Variants in DDX4 observed in about 807,000 individuals in gnomAD.
The protein encoded by DDX4 is DEAD-box helicase 4, also known as probable ATP-dependent RNA helicase DDX4.
Under a neutral mutation model 100.0 loss-of-function variants are expected in DDX4, and 25 were observed. The ratio of observed to expected loss-of-function variants is 0.25; its 90% CI spans 0.18 to 0.35. The LOEUF (loss-of-function observed/expected upper bound fraction) is 0.35, where lower values mean the gene tolerates loss of function less well. DDX4 is among the 10% of genes least tolerant of loss of function. The pLI is 1.00. For synonymous variants in DDX4, 259 were observed against 275.7 expected, an observed-to-expected ratio of 0.94 and a Z score of 0.60; for missense variants, 635 against 882.4, an observed-to-expected ratio of 0.72 and a Z score of 3.55.
At chr5:55,741,080 T>G (rs1758954000) in intron 2 of DDX4, among the ~76,000 whole-genome samples, 1 of 152,232 alleles carries the variant, frequency 6.6e-6, no homozygotes, top group Admixed American at 6.5e-5. Context: ...AGATACTTTA[T>G]TCCCCCTGGT....
intron 15 of DDX4, among the ~76,000 whole-genome samples, chr5:55,789,565 T>C (rs1742432497): frequency 6.6e-6 from 1 of 152,216 alleles, no homozygotes; most frequent in African/African-American, 2.4e-5. Context: ...AAGTCACACA[T>C]TGTCCTTCTG....
At chr5:55,773,889 G>A (rs1419648293) in intron 7 of DDX4, among the ~76,000 whole-genome samples, 1 of 152,086 alleles carries the variant, frequency 6.6e-6, no homozygotes, top group African/African-American at 2.4e-5. Context: ...CTCCCAAAGT[G>A]CTGGGATTAC....
intron 16 of DDX4, 140 bp from the exon 17 acceptor site, chr5:55,792,501 A>G (rs189230155): frequency 1.4e-3 from 527 of 365,964 alleles, no homozygotes; most frequent in African/African-American, 0.011. Flanking sequence ...CTGGGACTAC[A>G]GGCGTCCGCC....
At chr5:55,761,711 G>A (rs1478751204) in intron 4 of DDX4, among the ~76,000 whole-genome samples, 1 of 151,854 alleles carries the variant, frequency 6.6e-6, no homozygotes, top group East Asian at 1.9e-4. Flanking sequence ...AGGTTCAAGT[G>A]ATTCTCCTGC....
chr5:55,811,156 A>G (rs925113071), intron 18 of DDX4, among the ~76,000 whole-genome samples: 1 of 152,160 alleles, frequency 6.6e-6, no homozygotes. Context: ...AAGCGAAAGC[A>G]TTAAACAGTA....
In DDX4 at chr5:55,764,149, G is replaced by A. The variant is rs950556037; in HGVS notation, c.334+85G>A. The A allele has an allele frequency of 2.1e-5, 21 of 1,021,442 alleles. No homozygotes were observed. The Admixed American group carries it at 2.2e-4, about 11-fold the overall frequency. The allele number at this position is 1,021,442 out of a possible 1,614,324, so 63.3% of individuals were successfully genotyped here. On this transcript the variant is annotated intron_variant, in intron 6 of 21. Coordinates refer to ENST00000505374, the MANE Select transcript of DDX4 (RefSeq NM_024415.3). ...AAATTAAGATTAAGTCTCTTAGTCC[G>A]GGCCAATTCTAACTTATTTAAACCA...
chr5:55,756,108 A>G (rs988453278), intron 3 of DDX4, among the ~76,000 whole-genome samples: 1 of 152,072 alleles, frequency 6.6e-6, no homozygotes, highest in Non-Finnish European at 1.5e-5. Flanking sequence ...TAAAATATTG[A>G]TGGTCATTTT....
chr5:55,761,848 G>A (rs1740574197), intron 4 of DDX4, among the ~76,000 whole-genome samples: 1 of 152,126 alleles, frequency 6.6e-6, no homozygotes, highest in South Asian at 2.1e-4. Flanking sequence ...GACCTCAGGT[G>A]ATCCACCTGC....
At chr5:55,749,696 CTGA>C (rs899518560) in intron 3 of DDX4, among the ~76,000 whole-genome samples, 4 of 152,006 alleles carry the variant, frequency 2.6e-5, no homozygotes, top group Admixed American at 2.6e-4. Flanking sequence ...GTTGCTTTTG[CTGA>C]TTTCTTTATT....
At chr5:55,796,815 C>CTT (rs1034415317) in intron 17 of DDX4, among the ~76,000 whole-genome samples, 1 of 71,210 alleles carries the variant, frequency 1.4e-5, no homozygotes, top group Non-Finnish European at 3.2e-5. Context: ...TTCTTTTTTT[C>CTT]TTTCTTTCTT....
intron 17 of DDX4, 98 bp from the exon 18 acceptor site, chr5:55,798,328 C>CTGATTAATAT: frequency 8.0e-7 from 1 of 1,247,158 alleles, no homozygotes; most frequent in Non-Finnish European, 1.1e-6. Flanking sequence ...AATCTGCTGT[C>CTGATTAATAT]TGATTAATAT....
At chr5:55,764,410 T>G (rs1038031880) in intron 6 of DDX4, among the ~76,000 whole-genome samples, 2 of 152,166 alleles carry the variant, frequency 1.3e-5, no homozygotes, top group Admixed American at 6.5e-5. Context: ...ACATTTAGAT[T>G]CAAATAAATC....
chr5:55,806,955 C>CT (rs1743770256), intron 18 of DDX4, among the ~76,000 whole-genome samples: 1 of 152,262 alleles, frequency 6.6e-6, no homozygotes, highest in South Asian at 2.1e-4. Context: ...GTGTGAGAGT[C>CT]TAAGTCTCTT....
At chr5:55,763,646 T>C (rs1740710006) in intron 5 of DDX4, among the ~76,000 whole-genome samples, 1 of 152,152 alleles carries the variant, frequency 6.6e-6, no homozygotes. Context: ...TTAGTTGTAT[T>C]GTCCTTAGCA....
intron 3 of DDX4, chr5:55,750,543 T>A (rs562709045): frequency 6.5e-6 from 1 of 154,254 alleles, no homozygotes; most frequent in Non-Finnish European, 1.5e-5. Flanking sequence ...ATCATATCCT[T>A]CAATCATTCA....
At chr5:55,780,679 T>C (rs1741856853) in intron 8 of DDX4, among the ~76,000 whole-genome samples, 1 of 152,194 alleles carries the variant, frequency 6.6e-6, no homozygotes, top group African/African-American at 2.4e-5. Context: ...GGGGTGCTAT[T>C]TTGAAGAATA....
At position 55,792,655 on chromosome 5, in the gene DDX4, G is replaced by A; in HGVS notation, c.1317G>A (p.Gln439=). 1.3e-6 allele frequency: 2 copies of A among 1,582,258 alleles called. No homozygotes were observed. Among genetic ancestry groups the A allele is most frequent in the Non-Finnish European group, 1.7e-6 (2 of 1,161,194 alleles). ...TATCCTTAAAGATTGGTCTCAAACAGATCAAATACTTAGTTTTGGATGAAG... is the reference window on the plus strand; with the variant it reads ...TATCCTTAAAGATTGGTCTCAAACAAATCAAATACTTAGTTTTGGATGAAG... The part of the protein sequence containing the change: ...IIGKEKIGLK[Q]IKYLVLDEAD... Residue 439 remains glutamine (Q), a synonymous_variant, in exon 17 of 22, where the codon CAG becomes CAA. Coordinates refer to ENST00000505374, the MANE Select transcript of DDX4 (RefSeq NM_024415.3).
chr5:55,815,333 A>G lies in DDX4; in HGVS notation c.2007A>G (p.Ala669=). Residue 669 remains alanine (A), a synonymous_variant, in exon 21 of 22, where the codon GCA becomes GCG. Transcript: ENST00000505374. ...VLTDAQQDVP[A]WLEEIAFSTY... is the part of the protein sequence containing the mutation. ...TAAAGGCTCAACAGGATGTTCCTGC[A>G]TGGTTGGAAGAAATTGCCTTTAGTA... 2.5e-6 allele frequency: 4 copies of G among 1,612,622 alleles called. No individual in the cohort carries two copies. The highest frequency in any genetic ancestry group is 3.4e-6 in the Non-Finnish European group (4 of 1,179,714).
intron 6 of DDX4, among the ~76,000 whole-genome samples, chr5:55,765,412 AAATATATAT>A (rs1740845613): frequency 8.5e-6 from 1 of 117,092 alleles, no homozygotes; most frequent in Non-Finnish European, 1.8e-5. Context: ...AAAAAAAAAA[AAATATATAT>A]ATATATATAT....
Sources: allele counts gnomAD v4.1 joint callset (sites outside exome capture counted in the v4.1 genomes callset), GRCh38; gene constraint gnomAD v4.1.1; transcripts MANE v1.5; gene names NCBI Gene and HGNC (gene_info 2026-07-23, HGNC 2026-07-21).